The following ROBO2 variants were observed in gnomAD, a reference collection of about 807,000 sequenced individuals.
ROBO2 encodes roundabout guidance receptor 2, also known as roundabout homolog 2.
Under a neutral mutation model 160.8 loss-of-function variants are expected in ROBO2, and 53 were observed. The ratio of observed to expected loss-of-function variants is 0.33; its 90% confidence interval spans 0.26 to 0.41. ROBO2 has a LOEUF of 0.41. Ranked by LOEUF, ROBO2 falls within the 10% of genes least tolerant of loss-of-function variation. The pLI is 1.00. For synonymous variants in ROBO2, 664 were observed against 611.7 expected (o/e 1.09, Z -1.26); for missense variants, 1,577 against 1,722.4 (o/e 0.92, Z 1.49).
chr3:77,645,522 A>G (rs1451142628), intron 25 of ROBO2, among the ~76,000 whole-genome samples: 3 of 152,182 alleles, frequency 2.0e-5, no homozygotes, highest in African/African-American at 4.8e-5. Context: ...CCTTGTGTTA[A>G]TTTCCTCAGG....
chr3:76,373,885 C>T (rs979608964), intron 2 of ROBO2, among the ~76,000 whole-genome samples: 2 of 151,862 alleles, frequency 1.3e-5, no homozygotes, highest in Middle Eastern at 3.2e-3. Flanking sequence ...GGTCATGGGC[C>T]ATGATATCTG....
intron 2 of ROBO2, among the ~76,000 whole-genome samples, chr3:77,427,842 G>T (rs574856921): frequency 2.0e-5 from 3 of 152,314 alleles, no homozygotes; most frequent in African/African-American, 7.2e-5. Flanking sequence ...AATCATTAAA[G>T]ATATGGTTAA....
At chr3:77,391,858 C>A (rs527802085) in intron 2 of ROBO2, among the ~76,000 whole-genome samples, 5 of 152,176 alleles carry the variant, frequency 3.3e-5, no homozygotes, top group African/African-American at 1.2e-4. Flanking sequence ...CCATTCCTGG[C>A]CGAAAGCATT....
intron 21 of ROBO2, among the ~76,000 whole-genome samples, chr3:77,614,028 G>T (rs1023928433): frequency 4.6e-5 from 7 of 152,126 alleles, no homozygotes; most frequent in Admixed American, 6.5e-5. Context: ...AAAGTACAAA[G>T]AAAGATGAAA....
At chr3:77,530,172 C>A (rs1338407380) in intron 6 of ROBO2, among the ~76,000 whole-genome samples, 1 of 151,894 alleles carries the variant, frequency 6.6e-6, no homozygotes, top group African/African-American at 2.4e-5. Flanking sequence ...GAGAAAAAAA[C>A]AGCTTGTAGT....
intron 2 of ROBO2, among the ~76,000 whole-genome samples, chr3:76,945,047 C>G (rs2078439964): frequency 6.6e-6 from 1 of 150,816 alleles, no homozygotes. Context: ...CGCCACCACG[C>G]CCGGCTAATT....
At chr3:76,093,581 T>C (rs1441954783) in intron 2 of ROBO2, among the ~76,000 whole-genome samples, 1 of 150,100 alleles carries the variant, frequency 6.7e-6, no homozygotes, top group Non-Finnish European at 1.5e-5. Context: ...TATAAATTGC[T>C]TGGAATGATT....
In ROBO2 at chr3:77,261,046, C is replaced by T. The variant is rs562462641; in HGVS notation, c.388+162706C>T. ...AGTGACAAAATTAGGCATTCCCAGG[C>T]TCACGGTTTCTAATCAATCAGCCTG... On this transcript the variant is annotated intron_variant, in intron 2 of 25. Transcript: ENST00000461745. 5.3e-5 allele frequency among the ~76,000 whole-genome samples: 8 copies of T among 152,278 alleles called. No individual in the cohort carries two copies. In the East Asian group the frequency reaches 7.7e-4, roughly 15 times the overall value.
intron 2 of ROBO2, among the ~76,000 whole-genome samples, chr3:76,993,894 A>C (rs2060835751): frequency 6.6e-6 from 1 of 151,778 alleles, no homozygotes; most frequent in Admixed American, 6.6e-5. Flanking sequence ...AAAAAAAAAA[A>C]ACAAAACATT....
chr3:76,882,291 G>A (rs181676091), intron 2 of ROBO2, among the ~76,000 whole-genome samples: 215 of 152,148 alleles, frequency 1.4e-3, no homozygotes, highest in African/African-American at 4.8e-3. Context: ...ACAAATTCTC[G>A]CAGAGGTGAA....
intron 2 of ROBO2, among the ~76,000 whole-genome samples, chr3:76,491,357 T>C (rs1372045943): frequency 6.6e-6 from 1 of 152,158 alleles, no homozygotes; most frequent in Non-Finnish European, 1.5e-5. Flanking sequence ...TCTTGTAAAT[T>C]AATACTTGCA....
Position 76,434,028 on chromosome 3 carries a change from T to C in ROBO2, c.109+496426T>C, listed in dbSNP as rs540285541. On this transcript the variant is annotated intron_variant, in intron 2 of 26. Transcript: ENST00000487694. Reference sequence around the variant, plus strand: ...CTGAGGTGGTTCATTATGGCTGACATGCAAAATCTGGTAGAAAGACTGGAG... The same window carrying C: ...CTGAGGTGGTTCATTATGGCTGACACGCAAAATCTGGTAGAAAGACTGGAG... The C allele has an allele frequency of 9.0e-5, 109 of 1,217,810 alleles. 1 individual carries two copies. In the South Asian group the frequency reaches 1.3e-3, roughly 15 times the overall value. 75.4% of individuals were successfully genotyped at this position (1,217,810 alleles called of 1,614,324 possible). A position where few individuals can be genotyped will look rare whatever the true frequency, so the allele number is the denominator to read the frequency against.
intron 2 of ROBO2, among the ~76,000 whole-genome samples, chr3:77,373,240 A>G (rs1413647948): frequency 2.7e-5 from 4 of 149,688 alleles, no homozygotes; most frequent in Non-Finnish European, 4.4e-5. Flanking sequence ...ATAAAGCAAG[A>G]CATGTGGAAG....
chr3:77,322,083 G>A (rs1432261803), intron 2 of ROBO2, among the ~76,000 whole-genome samples: 1 of 152,112 alleles, frequency 6.6e-6, no homozygotes, highest in Non-Finnish European at 1.5e-5. Flanking sequence ...TCCTAAGCAG[G>A]CACTGTTTTA....
At chr3:77,122,431 T>A (rs1347469223) in intron 2 of ROBO2, among the ~76,000 whole-genome samples, 6 of 152,212 alleles carry the variant, frequency 3.9e-5, no homozygotes, top group Non-Finnish European at 1.5e-5. Flanking sequence ...AATGAGTAAG[T>A]GTTGCCCCGG....
At chr3:77,607,938 GAAC>G (rs771552268) in exon 21 of ROBO2, 2 of 1,613,824 alleles carry the variant, frequency 1.2e-6, no homozygotes, top group Non-Finnish European at 1.7e-6. Context: ...CTATGCAGTG[GAAC>G]AACAAGAAAA....
chr3:76,726,794 AGAGTGAAG>A (rs2093559391), intron 2 of ROBO2, among the ~76,000 whole-genome samples: 1 of 152,110 alleles, frequency 6.6e-6, no homozygotes, highest in Non-Finnish European at 1.5e-5. Context: ...AATATATAAA[AGAGTGAAG>A]GAATGAAGGA....
chr3:76,202,201 C>G (rs1702570187), intron 2 of ROBO2, among the ~76,000 whole-genome samples: 1 of 152,144 alleles, frequency 6.6e-6, no homozygotes, highest in African/African-American at 2.4e-5. Flanking sequence ...TTCTGTCTCA[C>G]TTGAATGAAG....
At chr3:76,991,142 C>T (rs1324196139) in intron 2 of ROBO2, among the ~76,000 whole-genome samples, 3 of 152,132 alleles carry the variant, frequency 2.0e-5, no homozygotes, top group East Asian at 1.9e-4. Context: ...TAAAACTTGA[C>T]CTGGTCTCTT....
Sources: gnomAD v4.1 joint callset for allele counts (sites outside exome capture counted in the v4.1 genomes callset) on GRCh38, gnomAD v4.1.1 for gene constraint, MANE v1.5 for transcripts, NCBI Gene and HGNC (gene_info 2026-07-23, HGNC 2026-07-21) for gene names.